Variants in STAG1 observed in about 807,000 individuals in gnomAD.
The protein encoded by STAG1 is STAG1 cohesin complex component, also known as cohesin subunit SA-1.
In STAG1, 26 loss-of-function variants were observed where a neutral mutation model predicts 170.9. The observed-to-expected ratio is 0.15, with a 90% CI of 0.11 to 0.21. The LOEUF is 0.21. Ranked by LOEUF, STAG1 falls within the 10% of genes least tolerant of loss-of-function variation. The pLI is 1.00. For missense variants in STAG1, 964 were observed against 1,509.5 expected, an observed-to-expected ratio of 0.64 and a Z score of 5.99; for synonymous variants, 514 against 497.7, an observed-to-expected ratio of 1.03 and a Z score of -0.44.
intron 2 of STAG1, among the ~76,000 whole-genome samples, chr3:136,628,904 C>T (rs761727008): frequency 3.9e-5 from 6 of 152,056 alleles, no homozygotes; most frequent in Non-Finnish European, 8.8e-5. Context: ...TCTAAGTAAG[C>T]CAAGAAATAA....
intron 4 of STAG1, among the ~76,000 whole-genome samples, chr3:136,595,984 T>C (rs1938410416): frequency 6.6e-6 from 1 of 152,182 alleles, no homozygotes; most frequent in Non-Finnish European, 1.5e-5. Flanking sequence ...GGATAACAGA[T>C]TTTATCTTTG....
intron 1 of STAG1, among the ~76,000 whole-genome samples, chr3:136,671,064 C>T (rs1941966018): frequency 6.6e-6 from 1 of 151,964 alleles, no homozygotes; most frequent in Admixed American, 6.6e-5. Flanking sequence ...GCGGGCAGAT[C>T]ACTTGAGGTC....
intron 7 of STAG1, among the ~76,000 whole-genome samples, chr3:136,509,350 A>G (rs1433131387): frequency 6.6e-6 from 1 of 151,934 alleles, no homozygotes; most frequent in Non-Finnish European, 1.5e-5. Context: ...GGAGTATAAT[A>G]CACTAAGGGG....
At chr3:136,393,594 T>C (rs1283883936) in intron 22 of STAG1, among the ~76,000 whole-genome samples, 2 of 149,120 alleles carry the variant, frequency 1.3e-5, no homozygotes, top group Non-Finnish European at 3.0e-5. Context: ...CTTCATCTTT[T>C]TTTTTTTTTT....
intron 1 of STAG1, among the ~76,000 whole-genome samples, chr3:136,682,816 C>A (rs1163269313): frequency 6.6e-6 from 1 of 152,286 alleles, no homozygotes; most frequent in East Asian, 1.9e-4. Flanking sequence ...GATATTTATA[C>A]ACCCATGTTC....
intron 21 of STAG1, among the ~76,000 whole-genome samples, chr3:136,416,875 T>TC (rs2107720031): frequency 6.8e-6 from 1 of 147,518 alleles, no homozygotes; most frequent in South Asian, 2.2e-4. Flanking sequence ...AGACAGAGTC[T>TC]CACTCTGTCA....
At chr3:136,584,048 A>G (rs1186800921) in intron 4 of STAG1, among the ~76,000 whole-genome samples, 1 of 152,206 alleles carries the variant, frequency 6.6e-6, no homozygotes, top group Non-Finnish European at 1.5e-5. Flanking sequence ...TCAATTTTAA[A>G]GCCAATTTAT....
intron 1 of STAG1, among the ~76,000 whole-genome samples, chr3:136,733,964 G>A (rs746994182): frequency 9.2e-5 from 14 of 152,044 alleles, no homozygotes; most frequent in Non-Finnish European, 1.3e-4. Flanking sequence ...AAAATTAGCC[G>A]GGTGTGGTGG....
At chr3:136,652,854 T>C (rs1941261281) in intron 1 of STAG1, among the ~76,000 whole-genome samples, 1 of 152,182 alleles carries the variant, frequency 6.6e-6, no homozygotes. Context: ...AACTAGTTGT[T>C]GTGGAGACTA....
chr3:136,711,257 T>C (rs1294597360), intron 1 of STAG1, among the ~76,000 whole-genome samples: 1 of 152,166 alleles, frequency 6.6e-6, no homozygotes, highest in Non-Finnish European at 1.5e-5. Context: ...GGAGGTTAAG[T>C]TGGTTACTCT....
chr3:136,343,914 G>A lies in STAG1; in HGVS notation c.3364C>T (p.Leu1122=), dbSNP rs761963794. 1.9e-6 allele frequency: 3 copies of A among 1,611,722 alleles called. No individual in the cohort carries two copies. The highest frequency in any genetic ancestry group is 2.5e-6 in the Non-Finnish European group (3 of 1,178,996). ...CCCATGGGCCGACTGTTCTCCCGCA[G>A]TACAGTGGATGTGAGTTGTGGTGCT... ...LPAPQLTSTV[L]RENSRPMGDQ... is the part of the protein sequence containing the mutation. Residue 1122 remains leucine, a synonymous_variant, in exon 30 of 34, where the codon CTG becomes TTG. Transcript: ENST00000383202.
intron 12 of STAG1, among the ~76,000 whole-genome samples, chr3:136,470,632 C>T (rs113130397): frequency 1.2e-3 from 176 of 152,326 alleles, no homozygotes; most frequent in African/African-American, 2.4e-3. Context: ...CATCCCATTA[C>T]TGGGTATATA....
At chr3:136,597,318 G>T (rs1270103630) in intron 4 of STAG1, among the ~76,000 whole-genome samples, 1 of 152,056 alleles carries the variant, frequency 6.6e-6, no homozygotes, top group Admixed American at 6.6e-5. Flanking sequence ...GGAAAAAGTG[G>T]TTTCCACAGT....
At chr3:136,390,546 G>A (rs1037013664) in intron 22 of STAG1, among the ~76,000 whole-genome samples, 5 of 152,176 alleles carry the variant, frequency 3.3e-5, no homozygotes, top group Admixed American at 1.3e-4. Context: ...TGGAACGACC[G>A]AAAGGAAAGG....
At chr3:136,673,102 C>T (rs527947428) in intron 1 of STAG1, among the ~76,000 whole-genome samples, 3 of 152,152 alleles carry the variant, frequency 2.0e-5, no homozygotes, top group South Asian at 4.1e-4. Context: ...AATAAGAATT[C>T]GTTTTAATAT....
intron 22 of STAG1, among the ~76,000 whole-genome samples, chr3:136,382,858 G>C (rs567661122): frequency 6.6e-6 from 1 of 152,286 alleles, no homozygotes; most frequent in Admixed American, 6.5e-5. Context: ...ATTCCACTGA[G>C]AGAATTATAC....
At chr3:136,592,592 A>C (rs1430951985) in intron 4 of STAG1, among the ~76,000 whole-genome samples, 3 of 152,144 alleles carry the variant, frequency 2.0e-5, no homozygotes, top group Non-Finnish European at 2.9e-5. Context: ...CTATCTTCTT[A>C]TATTTCCCCA....
At chr3:136,677,557 G>T (rs1272734185) in intron 1 of STAG1, among the ~76,000 whole-genome samples, 5 of 152,030 alleles carry the variant, frequency 3.3e-5, no homozygotes, top group Non-Finnish European at 2.9e-5. Flanking sequence ...TAAGAGGTGG[G>T]GTCCTTTTGT....
At chr3:136,477,470 T>G in intron 9 of STAG1, 58 bp from the exon 10 acceptor site, 2 of 1,440,392 alleles carry the variant, frequency 1.4e-6, no homozygotes, top group Non-Finnish European at 1.9e-6. Flanking sequence ...AATGCATTCA[T>G]ACTCGCTTTC....
Sources: allele counts gnomAD v4.1 joint callset (sites outside exome capture counted in the v4.1 genomes callset), GRCh38; gene constraint gnomAD v4.1.1; transcripts MANE v1.5; gene names NCBI Gene and HGNC (gene_info 2026-07-23, HGNC 2026-07-21).